The following DMD variants were observed in gnomAD, a reference collection of about 807,000 sequenced individuals.
The protein encoded by DMD is mutant dystrophin.
DMD carries 63 observed loss-of-function variants against 330.1 expected under a neutral mutation model. The ratio of observed to expected loss-of-function variants is 0.19; its 90% CI spans 0.16 to 0.24. The LOEUF is 0.24. Ranked by LOEUF, DMD falls within the 10% of genes least tolerant of loss-of-function variation. The pLI is 1.00. For missense variants in DMD, 3,344 were observed against 2,684.1 expected, an observed-to-expected ratio of 1.25 and a Z score of -5.43; for synonymous variants, 1,223 against 959.8, an observed-to-expected ratio of 1.27 and a Z score of -5.07.
intron 1 of DMD, among the ~76,000 whole-genome samples, chrX:33,328,693 T>C (rs1603430811): frequency 9.0e-6 from 1 of 111,481 alleles, no homozygotes; most frequent in East Asian, 2.8e-4. Context: ...AGACCCTACA[T>C]GGTTTACTAG....
At chrX:32,331,177 C>G (rs749083035) in intron 41 of DMD, among the ~76,000 whole-genome samples, 1 of 111,563 alleles carries the variant, frequency 9.0e-6, no homozygotes, top group Non-Finnish European at 1.9e-5. Context: ...AGAAACATAA[C>G]TGATATCTGT....
intron 50 of DMD, among the ~76,000 whole-genome samples, chrX:31,795,490 C>T (rs966522384): frequency 9.0e-6 from 1 of 111,384 alleles, no homozygotes; most frequent in African/African-American, 3.3e-5. Flanking sequence ...GTGAGGAGGT[C>T]AAAGCTGACG....
intron 41 of DMD, among the ~76,000 whole-genome samples, chrX:32,340,114 A>G (rs1211316046): frequency 9.0e-6 from 1 of 111,667 alleles, no homozygotes; most frequent in East Asian, 2.8e-4. Context: ...TTCTACACCC[A>G]CCTGTCTATC....
intron 54 of DMD, among the ~76,000 whole-genome samples, chrX:31,644,017 G>A (rs889395607): frequency 5.4e-5 from 6 of 111,743 alleles, no homozygotes; most frequent in African/African-American, 1.6e-4. Context: ...AATCACAGTA[G>A]TGCATATATA....
intron 2 of DMD, among the ~76,000 whole-genome samples, chrX:32,980,368 C>CAA (rs755016078): frequency 0.01 from 441 of 42,494 alleles, 6 homozygotes; most frequent in East Asian, 0.057. Context: ...GACTCTGTCT[C>CAA]AAAAAAAAAA....
At chrX:32,561,365 A>G (rs772888509) in intron 16 of DMD, among the ~76,000 whole-genome samples, 57 of 111,541 alleles carry the variant, frequency 5.1e-4, no homozygotes, top group African/African-American at 1.5e-3. Context: ...ATGAAATCAC[A>G]TTGTCAATAC....
chrX:31,535,690 T>C (rs980118022), intron 55 of DMD, among the ~76,000 whole-genome samples: 8 of 111,530 alleles, frequency 7.2e-5, no homozygotes, highest in Non-Finnish European at 1.3e-4. Flanking sequence ...AGCCACCTTT[T>C]CCCCCTCCAA....
chrX:31,701,059 C>A (rs928828357), intron 52 of DMD, among the ~76,000 whole-genome samples: 3 of 112,515 alleles, frequency 2.7e-5, no homozygotes, highest in African/African-American at 9.7e-5. Context: ...TCTAGCACCA[C>A]AGATTTATTA....
At chrX:31,944,753 C>A (rs752487745) in intron 45 of DMD, among the ~76,000 whole-genome samples, 183 of 108,117 alleles carry the variant, frequency 1.7e-3, no homozygotes, top group Middle Eastern at 9.4e-3. Context: ...CGTGATCCGC[C>A]CGCCTCGGCC....
At chrX:31,414,378 C>T (rs2148908307) in intron 60 of DMD, among the ~76,000 whole-genome samples, 1 of 111,939 alleles carries the variant, frequency 8.9e-6, no homozygotes, top group Admixed American at 9.5e-5. Context: ...AAGCTCGAAA[C>T]ATATGGGGGG....
At chrX:31,570,032 AC>A (rs2075727386) in intron 55 of DMD, among the ~76,000 whole-genome samples, 1 of 110,927 alleles carries the variant, frequency 9.0e-6, no homozygotes, top group Non-Finnish European at 1.9e-5. Context: ...TTCAGATTTC[AC>A]CAGTTTTTCC....
At chrX:31,181,669 T>C in intron 68 of DMD, among the ~76,000 whole-genome samples, 1 of 112,290 alleles carries the variant, frequency 8.9e-6, no homozygotes, top group Middle Eastern at 4.6e-3. Context: ...TTGTAAAACC[T>C]CTTTGTAAAC....
chrX:31,600,681 G>C (rs1320553219), intron 55 of DMD, among the ~76,000 whole-genome samples: 4 of 108,772 alleles, frequency 3.7e-5, no homozygotes, highest in Non-Finnish European at 7.6e-5. Flanking sequence ...GCAGAGAAGG[G>C]AGAGTCTTGG....
intron 21 of DMD, among the ~76,000 whole-genome samples, chrX:32,476,507 A>G (rs2041252552): frequency 9.0e-6 from 1 of 111,607 alleles, no homozygotes; most frequent in Non-Finnish European, 1.9e-5. Flanking sequence ...GCTGGAAAAA[A>G]AAATACACAC....
At chrX:33,233,051 T>C (rs1249138254) in intron 1 of DMD, among the ~76,000 whole-genome samples, 1 of 111,242 alleles carries the variant, frequency 9.0e-6, no homozygotes, top group Non-Finnish European at 1.9e-5. Flanking sequence ...TAATGCATCA[T>C]ATATTTCAAA....
intron 34 of DMD, among the ~76,000 whole-genome samples, chrX:32,380,024 G>C (rs1228232196): frequency 9.0e-6 from 1 of 111,583 alleles, no homozygotes; most frequent in Admixed American, 9.5e-5. Flanking sequence ...AATGATTACA[G>C]GAGTCGCTGT....
Position 31,729,844 on chromosome X carries a change from A to T in DMD, c.7543-96T>A. ...AAAGTACAATTGTGAGACCAGCCAA[A>T]ACACTTTTAGAAATAAAAAAGATGT... On this transcript the variant is annotated intron_variant, in intron 51 of 78. Coordinates refer to ENST00000357033, the MANE Select transcript of DMD (RefSeq NM_004006.3). 3 of 695,372 alleles carry T rather than the reference A, an allele frequency of 4.3e-6. No homozygotes were observed. In the South Asian group the frequency reaches 6.7e-5, roughly 16 times the overall value. The allele number at this position is 695,372 out of a possible 1,213,427, so 57.3% of individuals were successfully genotyped here.
In DMD at chrX:32,823,150, A is replaced by G. The variant is rs1353469746; in HGVS notation, c.357+145T>C. 4 of 494,290 alleles carry G rather than the reference A, an allele frequency of 8.1e-6. No homozygotes were observed. In the Admixed American group the frequency reaches 1.2e-4, roughly 15 times the overall value. 40.7% of individuals were successfully genotyped at this position (494,290 alleles called of 1,213,427 possible). ...GTGATGATCCTTAACATTTCAGACG[A>G]CATGGTAGTGTCAATTTAAAAAGCA... is the stretch of plus-strand genomic sequence containing the variant. On this transcript the variant is annotated intron_variant, in intron 5 of 78. Transcript: ENST00000357033.
At chrX:33,083,522 T>C (rs1415856538) in intron 1 of DMD, among the ~76,000 whole-genome samples, 1 of 111,232 alleles carries the variant, frequency 9.0e-6, no homozygotes, top group Non-Finnish European at 1.9e-5. Flanking sequence ...GACAGGACTG[T>C]TGAGCCTTCT....
Sources: allele counts gnomAD v4.1 joint callset (sites outside exome capture counted in the v4.1 genomes callset), GRCh38; gene constraint gnomAD v4.1.1; transcripts MANE v1.5; gene names NCBI Gene and HGNC (gene_info 2026-07-23, HGNC 2026-07-21).